Variants in GLYATL1 observed in about 807,000 individuals in gnomAD.
GLYATL1 encodes glycine N-acyltransferase-like protein 1.
A neutral mutation model predicts 20.0 loss-of-function variants in GLYATL1; 15 were observed. That is an observed-to-expected ratio of 0.75 (90% CI 0.50 to 1.15). The LOEUF (loss-of-function observed/expected upper bound fraction) is 1.15. Among genes scored for constraint, GLYATL1 ranks in the 50% most tolerant of loss-of-function variants. The pLI, the probability that GLYATL1 is intolerant of heterozygous loss-of-function variation, is 0.00. For missense variants in GLYATL1, 380 were observed against 368.5 expected (o/e 1.03, Z -0.26); for synonymous variants, 151 against 131.5 (o/e 1.15, Z -1.01).
intron 1 of GLYATL1, among the ~76,000 whole-genome samples, chr11:58,929,330 C>T (rs1165627058): frequency 2.6e-5 from 4 of 152,142 alleles, no homozygotes; most frequent in Non-Finnish European, 5.9e-5. Context: ...ATCAGCTTTA[C>T]CAAACTCTTC....
downstream of GLYATL1, among the ~76,000 whole-genome samples, chr11:58,912,514 C>A (rs1309984458): frequency 6.6e-6 from 1 of 152,304 alleles, no homozygotes; most frequent in East Asian, 1.9e-4. Flanking sequence ...CCTCCCCAGA[C>A]AAAAGCTCTG....
downstream of GLYATL1, among the ~76,000 whole-genome samples, chr11:58,912,232 G>T (rs2134650666): frequency 6.6e-6 from 1 of 152,312 alleles, no homozygotes; most frequent in Non-Finnish European, 1.5e-5. Flanking sequence ...AATGTGACTT[G>T]TGCATTACTC....
chr11:58,933,974 C>T (rs1370638413), intron 1 of GLYATL1: 2 of 152,420 alleles, frequency 1.3e-5, no homozygotes, highest in African/African-American at 4.8e-5. Flanking sequence ...AAGCCAATTT[C>T]TATAAGGGCA....
At chr11:58,937,788 G>A (rs74593438), upstream of GLYATL1, among the ~76,000 whole-genome samples, 796 of 152,264 alleles carry the variant, frequency 5.2e-3, 6 homozygotes, top group Non-Finnish European at 6.8e-3. Context: ...GTCTTCCAAC[G>A]ATGGCTGCTG....
chr11:58,908,600 C>G (rs1327473626), downstream of GLYATL1: 2 of 165,218 alleles, frequency 1.2e-5, no homozygotes, highest in African/African-American at 4.8e-5. Context: ...AACCGTGGTG[C>G]CAATTCAGAT....
chr11:58,949,952 C>CCCCTG (rs1856848143), intron 4 of GLYATL1, among the ~76,000 whole-genome samples: 1 of 150,720 alleles, frequency 6.6e-6, no homozygotes, highest in Non-Finnish European at 1.5e-5. Flanking sequence ...CCTCTTACCT[C>CCCCTG]CCCTCCCCTC....
chr11:58,956,052 T>C lies in GLYATL1; in HGVS notation c.*25T>C, dbSNP rs1252997282. 2.5e-6 allele frequency: 4 copies of C among 1,587,034 alleles called. No homozygotes were observed. The Admixed American group carries it at 6.8e-5, about 27-fold the overall frequency. On this transcript the variant is annotated 3_prime_UTR_variant, in exon 7 of 7. Transcript: ENST00000532726. ...GACAATGAAGCTGCTTAGTAATCTC[T>C]GCCAAGCCATCTCTTAATATTAAAG...
At chr11:58,933,793 T>C (rs1037836046) in intron 1 of GLYATL1, 1 of 152,228 alleles carries the variant, frequency 6.6e-6, no homozygotes, top group Non-Finnish European at 1.5e-5. Context: ...CAACTCTTTG[T>C]AGGGTGTCTA....
chr11:58,954,743 G>T lies in GLYATL1; in HGVS notation c.187-27G>T. The T allele has an allele frequency of 1.9e-6, 3 of 1,562,314 alleles. No homozygotes were observed. In the South Asian group the frequency reaches 3.6e-5, roughly 19 times the overall value. On this transcript the variant is annotated intron_variant, in intron 4 of 6. Coordinates refer to ENST00000532726, the MANE Select transcript of GLYATL1 (RefSeq NM_001389712.2). ...AGGTGAAGAAAAAGTTCAAGGGAAT[G>T]ACCTGATCTTATATCATCCAATACA... is the stretch of plus-strand genomic sequence containing the variant.
At position 58,916,848 on chromosome 11, in the gene GLYATL1, G is replaced by C. The variant is rs80209211; in HGVS notation, n.264+11187G>C. On this transcript the variant is annotated intron_variant and non_coding_transcript_variant, in intron 1 of 2. Coordinates refer to the GLYATL1 transcript ENST00000534674. Reference sequence around the variant, plus strand: ...ATGTGAAAGTACACTCCACAGAGTGGGAGCAGGCTTGAGAAAGGGGCTCGA... The same window carrying C: ...ATGTGAAAGTACACTCCACAGAGTGCGAGCAGGCTTGAGAAAGGGGCTCGA... 5.3e-3 allele frequency among the ~76,000 whole-genome samples: 801 copies of C among 152,338 alleles called. 6 individuals carry two copies. The highest frequency in any genetic ancestry group is 6.9e-3 in the Non-Finnish European group (468 of 68,024).
chr11:58,906,069 G>A (rs1018740913), intron 1 of GLYATL1, among the ~76,000 whole-genome samples: 9 of 152,302 alleles, frequency 5.9e-5, no homozygotes, highest in African/African-American at 2.2e-4. Flanking sequence ...CGGGAGCAGC[G>A]GGCACTAGCA....
Position 58,955,658 on chromosome 11 carries a change from G to C in GLYATL1, c.540G>C (p.Gly180=), listed in dbSNP as rs745607857. The C allele has an allele frequency of 6.2e-7, 1 of 1,614,144 alleles. No homozygotes were observed. Among genetic ancestry groups the C allele is most frequent in the South Asian group, 1.1e-5 (1 of 91,074 alleles). Residue 180 remains glycine (G), a synonymous_variant, in exon 7 of 7, where the codon GGG becomes GGC. Coordinates refer to ENST00000532726, the MANE Select transcript of GLYATL1 (RefSeq NM_001389712.2). ...KYAQLDVSYS[G]LVNDNWKRGK... ...CCCAGCTGGATGTCTCTTATTCTGG[G>C]CTGGTAAATGACAACTGGAAGCGAG... is the stretch of plus-strand genomic sequence containing the variant.
At position 58,955,369 on chromosome 11, in the gene GLYATL1, C is replaced by T; in HGVS notation, c.491+16C>T. The T allele has an allele frequency of 6.2e-7, 1 of 1,600,084 alleles. No homozygotes were observed. Among genetic ancestry groups the T allele is most frequent in the Non-Finnish European group, 8.5e-7 (1 of 1,172,840 alleles). On this transcript the variant is annotated intron_variant, in intron 6 of 6. Transcript: ENST00000532726. ...AATTTGAAAGGTACAAAAACATGTG[C>T]TGATCATTTATAATTGCGATTCCTT...
downstream of GLYATL1, among the ~76,000 whole-genome samples, chr11:58,910,790 TTTTATTGTTTCGTTTACA>T (rs1329118884): frequency 2.0e-5 from 3 of 152,238 alleles, no homozygotes; most frequent in African/African-American, 7.2e-5. Context: ...AGACTTTAAC[TTTTATTGTTTCGTTTACA>T]TTTATTTATT....
intron 1 of GLYATL1, among the ~76,000 whole-genome samples, chr11:58,918,435 G>C (rs780701470): frequency 2.0e-4 from 30 of 152,268 alleles, no homozygotes; most frequent in Non-Finnish European, 7.4e-5. Flanking sequence ...GTTCCTAGGT[G>C]GGTTCCTGCA....
At chr11:58,905,977 T>G (rs535539418) in intron 1 of GLYATL1, among the ~76,000 whole-genome samples, 3 of 152,250 alleles carry the variant, frequency 2.0e-5, no homozygotes, top group South Asian at 4.2e-4. Flanking sequence ...CCAGGCTCCC[T>G]CCCGCGCGCC....
chr11:58,926,626 G>A (rs928260812), upstream of GLYATL1, among the ~76,000 whole-genome samples: 1 of 152,182 alleles, frequency 6.6e-6, no homozygotes, highest in Non-Finnish European at 1.5e-5. Context: ...AAAGCATTTG[G>A]TATGGGGGAT....
At chr11:58,938,468 T>G (rs1855936024), upstream of GLYATL1, among the ~76,000 whole-genome samples, 3 of 152,202 alleles carry the variant, frequency 2.0e-5, no homozygotes, top group Non-Finnish European at 4.4e-5. Context: ...AAACCAGAAT[T>G]CATTGCTTCC....
intron 1 of GLYATL1, chr11:58,943,306 A>C (rs1168723442): frequency 6.4e-7 from 1 of 1,550,476 alleles, no homozygotes; most frequent in African/African-American, 1.4e-5. Context: ...TGAATGTTCA[A>C]ACTGTGTTCA....
Sources: gnomAD v4.1 joint callset for allele counts (sites outside exome capture counted in the v4.1 genomes callset) on GRCh38, gnomAD v4.1.1 for gene constraint, MANE v1.5 for transcripts, NCBI Gene and HGNC (gene_info 2026-07-23, HGNC 2026-07-21) for gene names.